The following STK39 variants were observed in gnomAD, a reference collection of about 807,000 sequenced individuals.
The protein encoded by STK39 is serine/threonine kinase 39.
A neutral mutation model predicts 77.8 loss-of-function variants in STK39; 20 were observed. The observed-to-expected ratio is 0.26, with a 90% CI of 0.18 to 0.37. STK39 has a LOEUF of 0.37. Ranked by LOEUF, STK39 falls within the 10% of genes least tolerant of loss-of-function variation. The pLI is 1.00. For missense variants in STK39, 479 were observed against 656.5 expected (o/e 0.73, Z 2.95); for synonymous variants, 246 against 234.1 (o/e 1.05, Z -0.47).
chr2:168,126,325 A>C lies in STK39; in HGVS notation c.1089+3216T>G, dbSNP rs1484048148. On this transcript the variant is annotated intron_variant, in intron 10 of 17. Transcript: ENST00000355999. ...TGAAGAGGAGAATGGCTGAGATCTC[A>C]ATCAAGACAGTCTAAGAACAAATAA... Among the ~76,000 whole-genome samples, 7 of 152,204 alleles carry C rather than the reference A, an allele frequency of 4.6e-5. No individual in the cohort carries two copies. In the East Asian group the frequency reaches 1.3e-3, roughly 29 times the overall value.
chr2:168,127,445 G>A (rs574064661), intron 10 of STK39, among the ~76,000 whole-genome samples: 12 of 152,202 alleles, frequency 7.9e-5, no homozygotes, highest in South Asian at 4.1e-4. Flanking sequence ...CACCACACCC[G>A]GCCAAGTAAT....
chr2:168,212,206 T>G (rs1574560249), intron 1 of STK39, among the ~76,000 whole-genome samples: 1 of 152,204 alleles, frequency 6.6e-6, no homozygotes, highest in South Asian at 2.1e-4. Context: ...AGGCAAAGAT[T>G]ATCTGAATAC....
chr2:168,193,513 C>T lies in STK39; in HGVS notation c.209-11423G>A, dbSNP rs138803232. On this transcript the variant is annotated intron_variant, in intron 1 of 17. Coordinates refer to ENST00000355999, the MANE Select transcript of STK39 (RefSeq NM_013233.3). ...TTAAGACACACCCTCATGAAGGGCA[C>T]GGAACACCTGCTAAGCCCCGGTGGA... Among the ~76,000 whole-genome samples, 457 of 152,320 alleles carry T rather than the reference C, an allele frequency of 3.0e-3. 4 individuals are homozygous for T. Among genetic ancestry groups the T allele is most frequent in the African/African-American group, 0.011 (442 of 41,574 alleles).
chr2:168,125,727 T>C (rs1467500016), intron 10 of STK39, among the ~76,000 whole-genome samples: 3 of 152,094 alleles, frequency 2.0e-5, no homozygotes, highest in African/African-American at 7.2e-5. Flanking sequence ...CCAAAAAAAA[T>C]GTTTTGCATA....
Position 168,066,440 on chromosome 2 carries a change from G to A in STK39, c.1243-1059C>T, listed in dbSNP as rs56407746. 3.3e-4 allele frequency among the ~76,000 whole-genome samples: 51 copies of A among 152,280 alleles called. 1 individual carries two copies. Among genetic ancestry groups the A allele is most frequent in the African/African-American group, 1.2e-3 (49 of 41,552 alleles). On this transcript the variant is annotated intron_variant, in intron 12 of 17. Transcript: ENST00000355999. ...TTAGGGGAAAATGACTACGTTAGAA[G>A]AACAAAACAACCTGTATTCATTAAC...
chr2:168,134,837 C>G (rs962191029), intron 8 of STK39, among the ~76,000 whole-genome samples: 1 of 152,146 alleles, frequency 6.6e-6, no homozygotes, highest in Non-Finnish European at 1.5e-5. Context: ...TCACTCATTG[C>G]TCATGAGGTA....
intron 1 of STK39, among the ~76,000 whole-genome samples, chr2:168,190,782 T>A (rs1689320421): frequency 6.6e-6 from 1 of 152,302 alleles, no homozygotes; most frequent in Admixed American, 6.5e-5. Flanking sequence ...AACGGTCACT[T>A]TGAAGTCCTT....
chr2:168,103,330 G>A (rs1375304), intron 10 of STK39, among the ~76,000 whole-genome samples: 146,544 of 152,308 alleles, frequency 0.96, 70,607 homozygotes, highest in East Asian at 1. Flanking sequence ...AAGCCATCTC[G>A]AATCTTTTCT....
At chr2:168,025,259 C>T (rs765883436) in intron 14 of STK39, among the ~76,000 whole-genome samples, 5 of 152,188 alleles carry the variant, frequency 3.3e-5, no homozygotes, top group Non-Finnish European at 5.9e-5. Context: ...TTATCAACTA[C>T]CTATATGGTA....
At chr2:168,162,799 G>A (rs1239271329) in intron 4 of STK39, among the ~76,000 whole-genome samples, 4 of 151,970 alleles carry the variant, frequency 2.6e-5, no homozygotes, top group Non-Finnish European at 5.9e-5. Context: ...AGGCTAAGGT[G>A]GGCAGATCAT....
chr2:168,155,917 C>A (rs10186426), intron 5 of STK39, among the ~76,000 whole-genome samples: 29 of 151,998 alleles, frequency 1.9e-4, no homozygotes, highest in African/African-American at 6.8e-4. Context: ...AGGGTGTCTC[C>A]CGTGCCTCTA....
intron 4 of STK39, among the ~76,000 whole-genome samples, chr2:168,163,277 A>T (rs566877311): frequency 6.6e-6 from 1 of 152,290 alleles, no homozygotes; most frequent in South Asian, 2.1e-4. Context: ...CCACATCAAA[A>T]ATAATTCACA....
intron 14 of STK39, among the ~76,000 whole-genome samples, chr2:168,053,376 A>G (rs1392033401): frequency 2.0e-5 from 3 of 152,184 alleles, no homozygotes; most frequent in Non-Finnish European, 4.4e-5. Flanking sequence ...AGTTTATACA[A>G]TAACATTTAA....
intron 1 of STK39, among the ~76,000 whole-genome samples, chr2:168,197,935 G>A (rs559964359): frequency 6.6e-6 from 1 of 152,084 alleles, no homozygotes; most frequent in African/African-American, 2.4e-5. Context: ...CTACTTGGGA[G>A]GCTGAGGCAG....
At chr2:168,141,430 A>G (rs1559117145) in intron 5 of STK39, among the ~76,000 whole-genome samples, 1 of 152,192 alleles carries the variant, frequency 6.6e-6, no homozygotes, top group Non-Finnish European at 1.5e-5. Context: ...AATTTGGAAC[A>G]TTTGAGATTT....
At chr2:167,956,688 ACACACACACTCT>A (rs1380430075) in intron 17 of STK39, among the ~76,000 whole-genome samples, 7 of 46,260 alleles carry the variant, frequency 1.5e-4, no homozygotes, top group South Asian at 6.3e-4. Context: ...ACACACACAC[ACACACACACTCT>A]CTCTCTCTCT....
intron 16 of STK39, among the ~76,000 whole-genome samples, chr2:167,996,364 C>T (rs559367728): frequency 1.4e-4 from 21 of 152,298 alleles, no homozygotes; most frequent in African/African-American, 4.8e-4. Flanking sequence ...ACACAACTCA[C>T]TTTCTGAACT....
At chr2:168,172,246 A>G (rs959414768) in intron 2 of STK39, among the ~76,000 whole-genome samples, 2 of 152,202 alleles carry the variant, frequency 1.3e-5, no homozygotes, top group Non-Finnish European at 2.9e-5. Flanking sequence ...AAGTGTCCCA[A>G]TTCCTGACTA....
chr2:168,192,414 A>T (rs1011987243), intron 1 of STK39, among the ~76,000 whole-genome samples: 9 of 152,126 alleles, frequency 5.9e-5, no homozygotes, highest in Admixed American at 6.5e-5. Flanking sequence ...CCAGGCTTTT[A>T]AAAAAAATTC....
Sources: allele counts gnomAD v4.1 joint callset (sites outside exome capture counted in the v4.1 genomes callset), GRCh38; gene constraint gnomAD v4.1.1; transcripts MANE v1.5; gene names NCBI Gene and HGNC (gene_info 2026-07-23, HGNC 2026-07-21).